Variants in CSMD1 observed in about 807,000 individuals in gnomAD.
CSMD1 encodes CUB and Sushi multiple domains 1, also known as CUB and sushi domain-containing protein 1.
In CSMD1, 213 loss-of-function variants were observed where a neutral mutation model predicts 417.5. The ratio of observed to expected loss-of-function variants is 0.51; its 90% confidence interval spans 0.46 to 0.57. The LOEUF is 0.57. Ranked by LOEUF, CSMD1 falls within the 20% of genes least tolerant of loss-of-function variation. The probability of loss-of-function intolerance (pLI) is 0.00; values close to 1 mark genes in which losing one functional copy is unlikely to be tolerated. For missense variants in CSMD1, 6,923 were observed against 4,529.7 expected (o/e 1.53, Z -15.17); for synonymous variants, 2,862 against 1,736.8 (o/e 1.65, Z -16.11).
chr8:3,736,413 T>TAA (rs34615106), intron 6 of CSMD1, among the ~76,000 whole-genome samples: 6 of 148,338 alleles, frequency 4.0e-5, no homozygotes, highest in Non-Finnish European at 9.0e-5. Context: ...ATGGCTAATG[T>TAA]AAAAAAAAAA....
intron 12 of CSMD1, among the ~76,000 whole-genome samples, chr8:3,428,125 G>C (rs562623517): frequency 6.6e-6 from 1 of 152,244 alleles, no homozygotes; most frequent in African/African-American, 2.4e-5. Flanking sequence ...AAATTAAATA[G>C]ATGTTAAATT....
At position 4,081,481 on chromosome 8, in the gene CSMD1, G is replaced by C. The variant is rs1460583274; in HGVS notation, c.416-49382C>G. 3.9e-5 allele frequency among the ~76,000 whole-genome samples: 6 copies of C among 152,112 alleles called. No individual in the cohort carries two copies. In the East Asian group the frequency reaches 1.2e-3, roughly 29 times the overall value. Reference sequence around the variant, plus strand: ...ACGGTGTCATGGGAACACTAAATTAGCCCTACAGGGAGGCTCACATGACAA... The same window carrying C: ...ACGGTGTCATGGGAACACTAAATTACCCCTACAGGGAGGCTCACATGACAA... On this transcript the variant is annotated intron_variant, in intron 3 of 69. Coordinates refer to ENST00000635120, the MANE Select transcript of CSMD1 (RefSeq NM_033225.6).
At chr8:2,980,272 G>A (rs914570546) in intron 54 of CSMD1, among the ~76,000 whole-genome samples, 1 of 152,050 alleles carries the variant, frequency 6.6e-6, no homozygotes, top group Non-Finnish European at 1.5e-5. Flanking sequence ...GAAACCAAAT[G>A]GCCCCGGGAT....
Position 4,865,347 on chromosome 8 carries a change from G to A in CSMD1, c.85+128985C>T, listed in dbSNP as rs145136067. ...AGAATCTCGTAACTTACTGCAAGAC[G>A]AAATCAGCAACTGACTTGTCATTTT... On this transcript the variant is annotated intron_variant, in intron 1 of 69. Coordinates refer to ENST00000635120, the MANE Select transcript of CSMD1 (RefSeq NM_033225.6). Among the ~76,000 whole-genome samples the A allele has an allele frequency of 1.7e-4, 26 of 151,672 alleles. No individual in the cohort carries two copies. The East Asian group carries it at 3.9e-3, about 23-fold the overall frequency.
At chr8:3,615,554 G>A (rs112360740) in intron 8 of CSMD1, among the ~76,000 whole-genome samples, 25 of 152,224 alleles carry the variant, frequency 1.6e-4, no homozygotes, top group African/African-American at 5.8e-4. Flanking sequence ...TCTATACTTT[G>A]TATGCTTTTC....
intron 1 of CSMD1, among the ~76,000 whole-genome samples, chr8:4,651,748 T>C (rs1179691193): frequency 8.5e-5 from 13 of 152,154 alleles, no homozygotes; most frequent in Non-Finnish European, 1.9e-4. Context: ...TAAACACACA[T>C]ACCTACTCCC....
chr8:4,147,043 G>C (rs969590630), intron 3 of CSMD1, among the ~76,000 whole-genome samples: 2 of 151,786 alleles, frequency 1.3e-5, no homozygotes, highest in Admixed American at 1.3e-4. Flanking sequence ...GGTTTTCTGG[G>C]CTTTTCCTTC....
At chr8:3,201,457 T>C (rs537563477) in intron 32 of CSMD1, among the ~76,000 whole-genome samples, 155 bp downstream of exon 32, 1 of 152,290 alleles carries the variant, frequency 6.6e-6, no homozygotes, top group African/African-American at 2.4e-5. Flanking sequence ...TTTTGAGATC[T>C]TATATCTAAA....
rs966039297 is a variant in CSMD1, at chr8:4,947,419, T to A, written c.85+46913A>T. ...TTAATTATGTCTAAGAATTACCAGT[T>A]TTTTTCTCACATAGGTAAGAAATGT... On this transcript the variant is annotated intron_variant, in intron 1 of 69. Coordinates refer to ENST00000635120, the MANE Select transcript of CSMD1 (RefSeq NM_033225.6). Among the ~76,000 whole-genome samples the A allele has an allele frequency of 3.2e-4, 49 of 151,804 alleles. 1 individual carries two copies. The highest frequency in any genetic ancestry group is 9.7e-5 in the African/African-American group (4 of 41,364).
chr8:4,599,638 T>C (rs1178684230), intron 2 of CSMD1, among the ~76,000 whole-genome samples: 1 of 152,188 alleles, frequency 6.6e-6, no homozygotes, highest in Non-Finnish European at 1.5e-5. Context: ...TTAATTATTT[T>C]AGACATTTGG....
Position 3,361,243 on chromosome 8 carries a change from A to G in CSMD1, c.3116-1903T>C, listed in dbSNP as rs144467143. 2.7e-3 allele frequency among the ~76,000 whole-genome samples: 416 copies of G among 152,316 alleles called. 1 individual carries two copies. The highest frequency in any genetic ancestry group is 4.8e-3 in the Non-Finnish European group (329 of 68,024). ...AAGATGTCACAATTCAGATAATATT[A>G]TCACATACCTTGCTGTTATCATTCT... On this transcript the variant is annotated intron_variant, in intron 20 of 69. Coordinates refer to ENST00000635120, the MANE Select transcript of CSMD1 (RefSeq NM_033225.6).
chr8:4,707,847 A>C (rs1286861963), intron 1 of CSMD1, among the ~76,000 whole-genome samples: 3 of 140,756 alleles, frequency 2.1e-5, no homozygotes, highest in South Asian at 4.6e-4. Flanking sequence ...AGATCGCACC[A>C]TTGCACTCCA....
At chr8:4,368,834 T>C (rs2128911583) in intron 3 of CSMD1, among the ~76,000 whole-genome samples, 1 of 152,238 alleles carries the variant, frequency 6.6e-6, no homozygotes, top group South Asian at 2.1e-4. Context: ...CTAAGTGTCT[T>C]TATTTGGGTC....
chr8:4,994,657 G>A lies in CSMD1; in HGVS notation c.-241C>T, dbSNP rs950251336. ...TCCGAGCGCGGAGACCCGGGCTGGC[G>A]GGGCCGGGGCCGGGGACGAGCGCCG... is the stretch of plus-strand genomic sequence containing the variant. On this transcript the variant is annotated 5_prime_UTR_variant, in exon 1 of 70. Coordinates refer to ENST00000635120, the MANE Select transcript of CSMD1 (RefSeq NM_033225.6). 2.8e-5 allele frequency: 12 copies of A among 435,006 alleles called. No homozygotes were observed. The highest frequency in any genetic ancestry group is 2.5e-4 in the African/African-American group (12 of 47,178). 26.9% of individuals were successfully genotyped at this position (435,006 alleles called of 1,614,324 possible).
intron 3 of CSMD1, among the ~76,000 whole-genome samples, chr8:4,170,796 G>A (rs909925495): frequency 7.9e-5 from 12 of 151,476 alleles, no homozygotes; most frequent in Non-Finnish European, 1.2e-4. Context: ...TTCTGTTTGG[G>A]GATTACCTAT....
intron 5 of CSMD1, among the ~76,000 whole-genome samples, chr8:3,835,931 C>A (rs1007048760): frequency 6.6e-6 from 1 of 152,114 alleles, no homozygotes; most frequent in African/African-American, 2.4e-5. Context: ...TCCGTAGGAA[C>A]AATATGGGTC....
intron 3 of CSMD1, among the ~76,000 whole-genome samples, chr8:4,066,317 G>T (rs1010029067): frequency 1.3e-5 from 2 of 152,112 alleles, no homozygotes; most frequent in South Asian, 2.1e-4. Flanking sequence ...GGCTCTTAAA[G>T]GTGTTCTGCT....
chr8:3,175,213 A>G (rs1381471002), intron 37 of CSMD1, among the ~76,000 whole-genome samples: 2 of 152,244 alleles, frequency 1.3e-5, no homozygotes, highest in African/African-American at 4.8e-5. Flanking sequence ...AAAATGTAGA[A>G]ACAATGTCTC....
At chr8:4,403,619 C>T (rs1057482020) in intron 3 of CSMD1, among the ~76,000 whole-genome samples, 1 of 152,174 alleles carries the variant, frequency 6.6e-6, no homozygotes, top group Non-Finnish European at 1.5e-5. Context: ...CCCCTTTTCA[C>T]CATCTGGTCT....
Sources: allele counts gnomAD v4.1 joint callset (sites outside exome capture counted in the v4.1 genomes callset), GRCh38; gene constraint gnomAD v4.1.1; transcripts MANE v1.5; gene names NCBI Gene and HGNC (gene_info 2026-07-23, HGNC 2026-07-21).